GABRB2: variants seen among roughly 807,000 people sequenced by gnomAD.
GABRB2 encodes the protein gamma-aminobutyric acid type A receptor subunit beta2.
Under a neutral mutation model 54.7 loss-of-function variants are expected in GABRB2, and 16 were observed. The ratio of observed to expected loss-of-function variants is 0.29; its 90% confidence interval spans 0.20 to 0.44. The LOEUF (loss-of-function observed/expected upper bound fraction) is 0.44, where lower values mean the gene tolerates loss of function less well. GABRB2 is among the 20% of genes least tolerant of loss of function. The pLI is 1.00. For missense variants in GABRB2, 355 were observed against 644.0 expected (o/e 0.55, Z 4.86); for synonymous variants, 244 against 233.8 (o/e 1.04, Z -0.40).
intron 5 of GABRB2, among the ~76,000 whole-genome samples, chr5:161,346,961 T>C (rs1754335118): frequency 6.6e-6 from 1 of 152,096 alleles, no homozygotes; most frequent in Non-Finnish European, 1.5e-5. Context: ...GAACTTGTGT[T>C]AGAAGAAAGG....
At chr5:161,436,959 G>A (rs945280712) in intron 4 of GABRB2, among the ~76,000 whole-genome samples, 2 of 151,996 alleles carry the variant, frequency 1.3e-5, no homozygotes, top group African/African-American at 4.8e-5. Flanking sequence ...TAGCCAGAGG[G>A]GAATCACGGA....
At chr5:161,459,886 G>T in intron 3 of GABRB2, 42 bp from the exon 4 acceptor site, 1 of 1,172,968 alleles carries the variant, frequency 8.5e-7, no homozygotes, top group Non-Finnish European at 1.3e-6. Flanking sequence ...TTTACACCCA[G>T]ACAGATCTGG....
At chr5:161,416,659 T>C (rs1239936947) in intron 4 of GABRB2, among the ~76,000 whole-genome samples, 1 of 121,822 alleles carries the variant, frequency 8.2e-6, no homozygotes, top group African/African-American at 3.0e-5. Flanking sequence ...ATCGCGCCGC[T>C]GCACTCCAGC....
intron 9 of GABRB2, among the ~76,000 whole-genome samples, chr5:161,316,201 T>TGA (rs1758023506): frequency 2.0e-5 from 3 of 152,196 alleles, no homozygotes; most frequent in African/African-American, 7.2e-5. Flanking sequence ...GGTTGACATT[T>TGA]CTGATATCAC....
At chr5:161,463,426 T>C (rs926828188) in intron 3 of GABRB2, among the ~76,000 whole-genome samples, 2 of 150,868 alleles carry the variant, frequency 1.3e-5, no homozygotes, top group African/African-American at 2.4e-5. Flanking sequence ...TGTTAAGATG[T>C]TGATACTCTC....
intron 5 of GABRB2, among the ~76,000 whole-genome samples, chr5:161,393,749 A>T (rs1203386264): frequency 6.6e-6 from 1 of 152,116 alleles, no homozygotes; most frequent in Non-Finnish European, 1.5e-5. Flanking sequence ...TGGCCTCAAG[A>T]TAAATAAAGC....
intron 4 of GABRB2, among the ~76,000 whole-genome samples, chr5:161,440,679 G>A (rs918208720): frequency 6.6e-6 from 1 of 151,978 alleles, no homozygotes; most frequent in Admixed American, 6.6e-5. Flanking sequence ...TAAGCAAAAA[G>A]AACAAAACCA....
intron 3 of GABRB2, among the ~76,000 whole-genome samples, chr5:161,509,088 C>A (rs906788149): frequency 3.3e-5 from 5 of 151,856 alleles, no homozygotes; most frequent in Non-Finnish European, 5.9e-5. Context: ...TGCTAGATTT[C>A]TCTTATTTCA....
At chr5:161,436,715 A>G (rs949574612) in intron 4 of GABRB2, among the ~76,000 whole-genome samples, 1 of 152,154 alleles carries the variant, frequency 6.6e-6, no homozygotes, top group Non-Finnish European at 1.5e-5. Context: ...TTTTACCTTC[A>G]TATTGCTGAA....
chr5:161,319,371 T>G (rs538099747), intron 9 of GABRB2, among the ~76,000 whole-genome samples: 2 of 148,554 alleles, frequency 1.3e-5, no homozygotes, highest in Admixed American at 6.7e-5. Context: ...AATGTCCTTT[T>G]TGGTATCTAT....
intron 3 of GABRB2, among the ~76,000 whole-genome samples, chr5:161,540,091 T>C (rs946025949): frequency 2.0e-5 from 3 of 152,190 alleles, no homozygotes; most frequent in African/African-American, 7.2e-5. Context: ...ACTCTTCCTT[T>C]CACAAAAGAT....
At chr5:161,297,358 G>A (rs1757407833) in intron 9 of GABRB2, among the ~76,000 whole-genome samples, 1 of 152,114 alleles carries the variant, frequency 6.6e-6, no homozygotes, top group Non-Finnish European at 1.5e-5. Flanking sequence ...AGGTATAAAC[G>A]TGCCATGGTG....
At chr5:161,518,719 CAGTAACAGAAAAGAGATGCTGATAAA>C (rs1328836462) in intron 3 of GABRB2, among the ~76,000 whole-genome samples, 1 of 152,098 alleles carries the variant, frequency 6.6e-6, no homozygotes, top group Non-Finnish European at 1.5e-5. Context: ...GATTCATGCA[CAGTAACAGAAAAGAGATGCTGATAAA>C]GTCACTGGGT....
chr5:161,455,776 G>T (rs1757937667), intron 4 of GABRB2, among the ~76,000 whole-genome samples: 1 of 151,912 alleles, frequency 6.6e-6, no homozygotes, highest in East Asian at 1.9e-4. Context: ...CAAGCAATCT[G>T]CCCACCTCAG....
chr5:161,496,177 T>A (rs57591136), intron 3 of GABRB2, among the ~76,000 whole-genome samples: 2,139 of 152,258 alleles, frequency 0.014, 35 homozygotes, highest in South Asian at 0.05. Flanking sequence ...ACTAGCTGTG[T>A]GATTTGACTT....
rs1285625711 is a variant in GABRB2 at position 161,289,409 on chromosome 5, GT to G, written c.*4671del. On this transcript the variant is annotated 3_prime_UTR_variant, in exon 10 of 10. Transcript: ENST00000393959. ...TATCTCATTTTTTTTTTCCTTTTTTGTTTTTCAATAATTCTGGAGTCTTTGG... is the reference window on the plus strand; with the variant it reads ...TATCTCATTTTTTTTTTCCTTTTTTGTTTTCAATAATTCTGGAGTCTTTGG... The G allele has an allele frequency of 7.4e-6, 1 of 135,812 alleles. No individual in the cohort carries two copies. The highest frequency in any genetic ancestry group is 2.8e-5 in the African/African-American group (1 of 35,722). The allele number at this position is 135,812 out of a possible 1,614,324, so 8.4% of individuals were successfully genotyped here.
rs1561602808 is a variant in GABRB2, at chr5:161,310,674, C to CGT, written c.1191+15693_1191+15694insAC. Among the ~76,000 whole-genome samples the CGT allele has an allele frequency of 9.0e-3, 1,096 of 121,420 alleles. 12 individuals are homozygous for CGT. The highest frequency in any genetic ancestry group is 0.042 in the African/African-American group (993 of 23,466). 79.7% of individuals were successfully genotyped at this position (121,420 alleles called of 152,430 possible). The stretch of plus-strand genomic sequence containing the variant: ...ACACACATGCACACGCACGCGCACG[C>CGT]GCGCACACACACACACACACACACA... On this transcript the variant is annotated intron_variant, in intron 9 of 9. Coordinates refer to ENST00000393959, the MANE Select transcript of GABRB2 (RefSeq NM_001371727.1).
chr5:161,451,619 T>C lies in GABRB2; in HGVS notation c.458+8005A>G, dbSNP rs1270120390. Among the ~76,000 whole-genome samples the C allele has an allele frequency of 5.3e-5, 8 of 152,242 alleles. No individual in the cohort carries two copies. The East Asian group carries it at 1.5e-3, about 29-fold the overall frequency. On this transcript the variant is annotated intron_variant, in intron 4 of 9. Coordinates refer to ENST00000393959, the MANE Select transcript of GABRB2 (RefSeq NM_001371727.1). ...TTGATAGCCACAACCAAATAGTCCA[T>C]CTTATATAAAAACCATAAGCCATAT...
rs574378663 is a variant in GABRB2, at chr5:161,465,363, C to G, written c.238-5519G>C. ...AAGGCCACCATAATGGTTATAGGCT[C>G]TCTATTCTGAAATTGTACAACAATG... On this transcript the variant is annotated intron_variant, in intron 3 of 9. Transcript: ENST00000393959. Among the ~76,000 whole-genome samples, 4 of 152,096 alleles carry G rather than the reference C, an allele frequency of 2.6e-5. No homozygotes were observed. In the East Asian group the frequency reaches 5.8e-4, roughly 22 times the overall value.
Sources: gnomAD v4.1 joint callset for allele counts (sites outside exome capture counted in the v4.1 genomes callset) on GRCh38, gnomAD v4.1.1 for gene constraint, MANE v1.5 for transcripts, NCBI Gene and HGNC (gene_info 2026-07-23, HGNC 2026-07-21) for gene names.